TAFA2: variants seen among roughly 807,000 people sequenced by gnomAD.
TAFA2 encodes chemokine-like protein TAFA-2.
Under a neutral mutation model 18.8 loss-of-function variants are expected in TAFA2, and 7 were observed. The observed-to-expected ratio is 0.37, with a 90% CI of 0.21 to 0.70. The LOEUF (loss-of-function observed/expected upper bound fraction) is 0.70, where lower values mean the gene tolerates loss of function less well. Among genes scored for constraint, TAFA2 ranks in the 30% least tolerant of loss-of-function variants. TAFA2 has a pLI of 0.53. For missense variants in TAFA2, 122 were observed against 158.1 expected (o/e 0.77, Z 1.23); for synonymous variants, 60 against 54.2 (o/e 1.11, Z -0.47).
At chr12:62,037,690 A>G (rs554154953) in intron 1 of TAFA2, among the ~76,000 whole-genome samples, 1 of 152,342 alleles carries the variant, frequency 6.6e-6, no homozygotes, top group South Asian at 2.1e-4. Context: ...CTTACATACC[A>G]AATTCCAATG....
intron 1 of TAFA2, among the ~76,000 whole-genome samples, chr12:62,205,315 A>T (rs1425405858): frequency 2.0e-5 from 3 of 152,228 alleles, no homozygotes; most frequent in Non-Finnish European, 4.4e-5. Context: ...GAGGCACAGG[A>T]TCAGGAACCC....
chr12:62,106,676 A>G (rs992752745), intron 1 of TAFA2, among the ~76,000 whole-genome samples: 2 of 152,194 alleles, frequency 1.3e-5, no homozygotes, highest in African/African-American at 4.8e-5. Context: ...TTTCTTTAGT[A>G]TACTCCCCTT....
chr12:62,197,926 T>C (rs1379424667), intron 1 of TAFA2, among the ~76,000 whole-genome samples: 10 of 152,222 alleles, frequency 6.6e-5, no homozygotes, highest in Admixed American at 6.5e-4. Flanking sequence ...TGAAGAAGGC[T>C]TTGAGTGAAC....
intron 2 of TAFA2, among the ~76,000 whole-genome samples, chr12:61,820,862 T>C (rs1872291161): frequency 6.6e-6 from 1 of 152,076 alleles, no homozygotes; most frequent in African/African-American, 2.4e-5. Flanking sequence ...TATACAATTG[T>C]TTTAACAAAG....
chr12:61,964,969 C>T (rs151198552), intron 1 of TAFA2, among the ~76,000 whole-genome samples: 11 of 151,946 alleles, frequency 7.2e-5, no homozygotes, highest in African/African-American at 2.7e-4. Context: ...GTAATCTATG[C>T]CTCCTCTACC....
chr12:61,794,175 A>G (rs1167348217), intron 2 of TAFA2, among the ~76,000 whole-genome samples: 1 of 152,040 alleles, frequency 6.6e-6, no homozygotes, highest in Non-Finnish European at 1.5e-5. Flanking sequence ...CCTGTATTCA[A>G]CATTTTACTG....
At chr12:61,925,237 T>G (rs1877236976) in intron 1 of TAFA2, among the ~76,000 whole-genome samples, 1 of 152,142 alleles carries the variant, frequency 6.6e-6, no homozygotes, top group Admixed American at 6.5e-5. Context: ...CAAGCAGACC[T>G]AATAGACATC....
intron 1 of TAFA2, among the ~76,000 whole-genome samples, chr12:62,106,600 G>T (rs922765682): frequency 6.6e-6 from 1 of 152,172 alleles, no homozygotes; most frequent in Non-Finnish European, 1.5e-5. Context: ...AAAAGAAAGC[G>T]TAGAAAAATT....
At position 61,710,161 on chromosome 12, in the gene TAFA2, T is replaced by C. The variant is rs1565745007; in HGVS notation, c.*245A>G. 8 of 460,308 alleles carry C rather than the reference T, an allele frequency of 1.7e-5. No individual in the cohort carries two copies. The East Asian group carries it at 2.3e-4, about 14-fold the overall frequency. The allele number at this position is 460,308 out of a possible 1,614,324, so 28.5% of individuals were successfully genotyped here. On this transcript the variant is annotated 3_prime_UTR_variant, in exon 5 of 5. Transcript: ENST00000416284. Reference sequence around the variant, plus strand: ...AGCTCCTCAGACAGTGACTTCAAATTCTTTTAACAATTTACAAGTTGAACA... The same window carrying C: ...AGCTCCTCAGACAGTGACTTCAAATCCTTTTAACAATTTACAAGTTGAACA...
At chr12:61,734,741 G>A (rs1394823737) in intron 4 of TAFA2, among the ~76,000 whole-genome samples, 10 of 151,634 alleles carry the variant, frequency 6.6e-5, no homozygotes, top group African/African-American at 2.2e-4. Flanking sequence ...ATGTAACTTG[G>A]GCAACCTCTT....
chr12:62,145,003 T>C (rs9739100), intron 1 of TAFA2, among the ~76,000 whole-genome samples: 18,098 of 152,282 alleles, frequency 0.12, 1,358 homozygotes, highest in Middle Eastern at 0.18. Flanking sequence ...CTCCAAAGCC[T>C]TCTAAGTGGA....
chr12:62,067,640 TC>T (rs1461331545), intron 1 of TAFA2, among the ~76,000 whole-genome samples: 4 of 152,222 alleles, frequency 2.6e-5, no homozygotes, highest in Admixed American at 6.5e-5. Flanking sequence ...TATGGATTTA[TC>T]TCTGGGTTAT....
chr12:61,982,541 G>C (rs767731554), intron 1 of TAFA2, among the ~76,000 whole-genome samples: 1 of 151,880 alleles, frequency 6.6e-6, no homozygotes, highest in Admixed American at 6.6e-5. Context: ...TACCTATCCA[G>C]GTTCTTAACA....
At chr12:61,928,625 G>C (rs1399602473) in intron 1 of TAFA2, among the ~76,000 whole-genome samples, 1 of 152,136 alleles carries the variant, frequency 6.6e-6, no homozygotes, top group Non-Finnish European at 1.5e-5. Context: ...CAAGTATCTA[G>C]AACCAGAAAT....
chr12:62,029,821 CT>C (rs1418140005), intron 1 of TAFA2, among the ~76,000 whole-genome samples: 38 of 151,684 alleles, frequency 2.5e-4, no homozygotes, highest in Middle Eastern at 6.8e-3. Flanking sequence ...ATCTCTCTCT[CT>C]CTCTCTCTCT....
chr12:61,826,527 A>G (rs181064997), intron 2 of TAFA2, among the ~76,000 whole-genome samples: 221 of 152,188 alleles, frequency 1.5e-3, no homozygotes, highest in African/African-American at 5.0e-3. Context: ...CTTAGAATCT[A>G]TGTCATTCAA....
At chr12:61,724,963 A>G (rs1870091327) in intron 4 of TAFA2, among the ~76,000 whole-genome samples, 1 of 151,908 alleles carries the variant, frequency 6.6e-6, no homozygotes, top group South Asian at 2.1e-4. Context: ...TTTTCACCAC[A>G]TCCATACCAA....
At chr12:61,882,104 G>A (rs1330894972) in intron 1 of TAFA2, among the ~76,000 whole-genome samples, 1 of 152,162 alleles carries the variant, frequency 6.6e-6, no homozygotes, top group Non-Finnish European at 1.5e-5. Flanking sequence ...GACGTTTAAT[G>A]TACTAATCCA....
intron 1 of TAFA2, among the ~76,000 whole-genome samples, chr12:62,209,674 G>A (rs1189792138): frequency 1.3e-5 from 2 of 152,214 alleles, no homozygotes; most frequent in Non-Finnish European, 2.9e-5. Context: ...GGCTAAAAAT[G>A]AGGAGAAGGG....
Sources: gnomAD v4.1 joint callset for allele counts (sites outside exome capture counted in the v4.1 genomes callset) on GRCh38, gnomAD v4.1.1 for gene constraint, MANE v1.5 for transcripts, NCBI Gene and HGNC (gene_info 2026-07-23, HGNC 2026-07-21) for gene names.